Variants in KIF13A observed in about 807,000 individuals in gnomAD.
KIF13A encodes the protein kinesin-like protein KIF13A.
KIF13A carries 79 observed loss-of-function variants against 212.2 expected under a neutral mutation model. That is an observed-to-expected ratio of 0.37 (90% confidence interval 0.31 to 0.45). KIF13A has a LOEUF of 0.45. Among genes scored for constraint, KIF13A ranks in the 20% least tolerant of loss-of-function variants. KIF13A has a pLI of 1.00. For missense variants in KIF13A, 1,901 were observed against 2,209.0 expected, an observed-to-expected ratio of 0.86 and a Z score of 2.79; for synonymous variants, 789 against 808.6, an observed-to-expected ratio of 0.98 and a Z score of 0.41.
chr6:17,984,583 C>CT lies in KIF13A; in HGVS notation c.146+2470dup. 5.2e-6 allele frequency: 5 copies of CT among 963,124 alleles called. No homozygotes were observed. Among genetic ancestry groups the CT allele is most frequent in the Non-Finnish European group, 6.2e-6 (5 of 810,674 alleles). 59.7% of individuals were successfully genotyped at this position (963,124 alleles called of 1,614,324 possible). On this transcript the variant is annotated intron_variant, in intron 2 of 38. Transcript: ENST00000259711. This position sits in a 1 kb window ranked among gnomAD's most constrained non-coding sequence, Gnocchi z 5.0. ...GGGAAACAATGAAAGCTGACCCCATCTGTTTTTTTTTTTTTTCCCTGGACG... is the reference window on the plus strand; with the variant it reads ...GGGAAACAATGAAAGCTGACCCCATCTTGTTTTTTTTTTTTTTCCCTGGACG...
rs1171934989 is a variant in KIF13A at position 17,849,955 on chromosome 6, CA to C, written c.717+367del. Among the ~76,000 whole-genome samples the C allele has an allele frequency of 2.0e-5, 3 of 152,176 alleles. No homozygotes were observed. Among genetic ancestry groups the C allele is most frequent in the Non-Finnish European group, 4.4e-5 (3 of 68,026 alleles). On this transcript the variant is annotated intron_variant, in intron 8 of 38. Transcript: ENST00000259711. This position sits in a 1 kb window ranked among gnomAD's most constrained non-coding sequence, Gnocchi z 5.7. ...TAAAAGCTGTATGGTGATGTCATCA[CA>C]CTTGTTAGGGACTTTGCACAAGAAA...
chr6:17,900,724 T>C lies in KIF13A; in HGVS notation c.147-2544A>G, dbSNP rs1772975221. The stretch of plus-strand genomic sequence containing the variant: ...CTGTACTTCATTCATTGATACACCC[T>C]GTAATTCATTCATTGATACACCTTT... On this transcript the variant is annotated intron_variant, in intron 2 of 38. Coordinates refer to ENST00000259711, the MANE Select transcript of KIF13A (RefSeq NM_022113.6). This position sits in a 1 kb window ranked among gnomAD's most constrained non-coding sequence, Gnocchi z 4.6. Among the ~76,000 whole-genome samples, 1 of 152,168 alleles carries C rather than the reference T, an allele frequency of 6.6e-6. No homozygotes were observed. The highest frequency in any genetic ancestry group is 1.5e-5 in the Non-Finnish European group (1 of 68,034).
chr6:17,768,005 A>C lies in KIF13A; in HGVS notation c.4582-3059T>G, dbSNP rs956444610. Among the ~76,000 whole-genome samples, 6 of 152,200 alleles carry C rather than the reference A, an allele frequency of 3.9e-5. No homozygotes were observed. The highest frequency in any genetic ancestry group is 1.3e-4 in the Admixed American group (2 of 15,280). On this transcript the variant is annotated intron_variant, in intron 38 of 38. Coordinates refer to ENST00000259711, the MANE Select transcript of KIF13A (RefSeq NM_022113.6). This position sits in a 1 kb window ranked among gnomAD's most constrained non-coding sequence, Gnocchi z 5.4. ...CCCAAAAGCCCAGAGGGAAAGACTA[A>C]AACAGTAGGGACAGCTTATTCCAGA...
In KIF13A at chr6:17,777,302, C is replaced by T. The variant is rs1760079371; in HGVS notation, c.4145G>A (p.Ser1382Asn). The change falls in exon 34 of 39, where the codon AGC becomes AAC. Residue 1382 changes from serine (S) to asparagine (N), a missense_variant. Physicochemically the swap from Ser to Asn is conservative, Grantham distance 46. Around this residue, in one of 5 missense-constraint regions of KIF13A, gnomAD observed 687 missense variants for 759.1 expected, o/e 0.90. Coordinates refer to ENST00000259711, the MANE Select transcript of KIF13A (RefSeq NM_022113.6). This position sits in a 1 kb window ranked among gnomAD's most constrained non-coding sequence, Gnocchi z 4.4. The stretch of plus-strand genomic sequence containing the variant: ...ATTATGAACATTTGGTGTACTGAGG[C>T]TCCTCCGAATGTGCCGGGCTTTGGT... ...LSTKARHIRR[S>N]LSTPNVHNVS... is the part of the protein sequence containing the mutation. 6.2e-7 allele frequency: 1 copy of T among 1,613,122 alleles called. No individual in the cohort carries two copies. The highest frequency in any genetic ancestry group is 1.3e-5 in the African/African-American group (1 of 74,924).
intron 2 of KIF13A, among the ~76,000 whole-genome samples, chr6:17,939,395 G>A (rs183845098): frequency 6.6e-6 from 1 of 152,164 alleles, no homozygotes; most frequent in Admixed American, 6.5e-5. Flanking sequence ...AAGGCCATTC[G>A]AGTTTATTTT....
At chr6:17,812,988 C>T (rs537275340) in intron 17 of KIF13A, among the ~76,000 whole-genome samples, 19 of 152,142 alleles carry the variant, frequency 1.2e-4, no homozygotes, top group Admixed American at 6.6e-5. Flanking sequence ...CTTTTGAAGA[C>T]ACTTTTGCTT....
chr6:17,791,041 T>C (rs1417174902), intron 25 of KIF13A, among the ~76,000 whole-genome samples: 1 of 152,046 alleles, frequency 6.6e-6, no homozygotes, highest in East Asian at 1.9e-4. Context: ...TTAATTTAGA[T>C]TTATGACTAA....
rs1187719694 is a variant in KIF13A, at chr6:17,794,138, G to C, written c.3222+111C>G. On this transcript the variant is annotated intron_variant, in intron 25 of 38. Coordinates refer to ENST00000259711, the MANE Select transcript of KIF13A (RefSeq NM_022113.6). This position sits in a 1 kb window ranked among gnomAD's most constrained non-coding sequence, Gnocchi z 4.1. Reference sequence around the variant, plus strand: ...GGCAATGGATGGAAATGTGAACTGGGGGAAGATCTACGGTTAAGGCAAAGA... The same window carrying C: ...GGCAATGGATGGAAATGTGAACTGGCGGAAGATCTACGGTTAAGGCAAAGA... 5 of 755,210 alleles carry C rather than the reference G, an allele frequency of 6.6e-6. No individual in the cohort carries two copies. Among genetic ancestry groups the C allele is most frequent in the Non-Finnish European group, 6.4e-6 (3 of 469,032 alleles). 46.8% of individuals were successfully genotyped at this position (755,210 alleles called of 1,614,324 possible).
chr6:17,763,368 G>A (rs1343227728), downstream of KIF13A, among the ~76,000 whole-genome samples: 1 of 150,920 alleles, frequency 6.6e-6, no homozygotes, highest in Non-Finnish European at 1.5e-5. Context: ...TACACGGGAG[G>A]CTGAGGCAGG....
chr6:17,787,946 A>G lies in KIF13A; in HGVS notation c.3262-71T>C. On this transcript the variant is annotated intron_variant, in intron 26 of 38. Coordinates refer to ENST00000259711, the MANE Select transcript of KIF13A (RefSeq NM_022113.6). The surrounding 1 kb of genome is among the most constrained non-coding windows in gnomAD (Gnocchi z 4.6). ...ACGATTTCTTTCTTTCTTTTTTTAA[A>G]AGATGTTTAAATCAACTAGGAAATT... 1 of 889,044 alleles carries G rather than the reference A, an allele frequency of 1.1e-6. No individual in the cohort carries two copies. The highest frequency in any genetic ancestry group is 1.8e-6 in the Non-Finnish European group (1 of 544,602). The allele number at this position is 889,044 out of a possible 1,614,324, so 55.1% of individuals were successfully genotyped here.
intron 11 of KIF13A, among the ~76,000 whole-genome samples, chr6:17,835,697 T>C (rs1415800442): frequency 6.6e-6 from 1 of 152,142 alleles, no homozygotes; most frequent in East Asian, 1.9e-4. Flanking sequence ...AAACAAACAA[T>C]TACAATGTAA....
chr6:17,876,901 C>G (rs1770611633), intron 3 of KIF13A, among the ~76,000 whole-genome samples: 1 of 152,164 alleles, frequency 6.6e-6, no homozygotes, highest in East Asian at 1.9e-4. Flanking sequence ...TCCCAAAGTG[C>G]TGGGATTACA....
chr6:17,859,638 A>ATATATATGTATATATATTT (rs1461455926), intron 4 of KIF13A, among the ~76,000 whole-genome samples: 1 of 111,858 alleles, frequency 8.9e-6, no homozygotes, highest in Non-Finnish European at 1.8e-5. Context: ...ATATATATAT[A>ATATATATGTATATATATTT]TTTTTTTTTT....
At chr6:17,844,772 G>A (rs1766855557) in intron 9 of KIF13A, among the ~76,000 whole-genome samples, 1 of 152,158 alleles carries the variant, frequency 6.6e-6, no homozygotes, top group Non-Finnish European at 1.5e-5. Context: ...CACATGTATG[G>A]ACTCCGTAAT....
rs1338092167 is a variant in KIF13A at position 17,785,199 on chromosome 6, A to G, written c.3488+316T>C. Among the ~76,000 whole-genome samples the G allele has an allele frequency of 1.3e-5, 2 of 152,208 alleles. No homozygotes were observed. Among genetic ancestry groups the G allele is most frequent in the African/African-American group, 4.8e-5 (2 of 41,456 alleles). ...CACTAATATATTTTCTGTCCTATTC[A>G]AATACTTTCCAGCCAAGATAAAAGA... On this transcript the variant is annotated intron_variant, in intron 28 of 38. Coordinates refer to ENST00000259711, the MANE Select transcript of KIF13A (RefSeq NM_022113.6). This position sits in a 1 kb window ranked among gnomAD's most constrained non-coding sequence, Gnocchi z 5.8.
chr6:17,797,250 C>T (rs1221399563), intron 22 of KIF13A, among the ~76,000 whole-genome samples: 3 of 152,038 alleles, frequency 2.0e-5, no homozygotes, highest in African/African-American at 7.2e-5. Flanking sequence ...ACGATGGTCT[C>T]GATCTCCTGA....
chr6:17,986,708 T>C (rs1441814554), intron 2 of KIF13A, among the ~76,000 whole-genome samples: 1 of 152,252 alleles, frequency 6.6e-6, no homozygotes, highest in Non-Finnish European at 1.5e-5. Flanking sequence ...GCTGGTCACC[T>C]GCCCGCCTCG....
chr6:17,851,972 C>T lies in KIF13A; in HGVS notation c.565G>A (p.Ala189Thr). Residue 189 changes from alanine (A) to threonine (T), a missense_variant, in exon 7 of 39, where the codon GCT (alanine) becomes ACT (threonine). By Grantham distance (58) the Ala-to-Thr change is moderately conservative. This residue lies in a region of KIF13A where 506 missense variants were observed against 637.4 expected (regional missense o/e 0.79). Coordinates refer to ENST00000259711, the MANE Select transcript of KIF13A (RefSeq NM_022113.6). ...GPYVDGLSQL[A>T]VTSFEDIESL... ...TGACTTACCTCAAAACTAGTGACAG[C>T]TAGTTGAGATAAACCATCTACATAT... 1 of 1,536,102 alleles carries T rather than the reference C, an allele frequency of 6.5e-7. No homozygotes were observed. Among genetic ancestry groups the T allele is most frequent in the Non-Finnish European group, 8.7e-7 (1 of 1,143,724 alleles).
intron 4 of KIF13A, among the ~76,000 whole-genome samples, chr6:17,859,638 A>ATATATTTTTTTTTTTTTTTTTTTTT (rs1461455926): frequency 8.9e-6 from 1 of 111,854 alleles, no homozygotes; most frequent in Admixed American, 9.2e-5. Context: ...ATATATATAT[A>ATATATTTTTTTTTTTTTTTTTTTTT]TTTTTTTTTT....
Sources: allele counts gnomAD v4.1 joint callset (sites outside exome capture counted in the v4.1 genomes callset), GRCh38; gene constraint gnomAD v4.1.1; regional missense constraint gnomAD v4.1.1; non-coding constraint Gnocchi (gnomAD v3.1); transcripts MANE v1.5; gene names NCBI Gene and HGNC (gene_info 2026-07-23, HGNC 2026-07-21).